TYRO3: variants seen among roughly 807,000 people sequenced by gnomAD.
The protein encoded by TYRO3 is tyrosine-protein kinase receptor TYRO3.
Under a neutral mutation model 95.2 loss-of-function variants are expected in TYRO3, and 38 were observed. That is an observed-to-expected ratio of 0.40 (90% CI 0.31 to 0.52). The LOEUF (loss-of-function observed/expected upper bound fraction) is 0.52, where lower values mean the gene tolerates loss of function less well. Ranked by LOEUF, TYRO3 falls within the 20% of genes least tolerant of loss-of-function variation. The pLI is 0.56. For missense variants in TYRO3, 812 were observed against 1,116.4 expected (o/e 0.73, Z 3.89); for synonymous variants, 367 against 432.9 (o/e 0.85, Z 1.89).
In TYRO3 at chr15:41,571,052, G is replaced by A. The variant is rs537077384; in HGVS notation, c.1594G>A (p.Val532Met). The A allele has an allele frequency of 3.1e-6, 5 of 1,614,030 alleles. No homozygotes were observed. Among genetic ancestry groups the A allele is most frequent in the Non-Finnish European group, 4.2e-6 (5 of 1,180,004 alleles). Residue 532 changes from valine (V) to methionine (M), a missense_variant, in exon 13 of 19, where the codon GTG becomes ATG. Transcript: ENST00000263798. ...RMLGKGEFGS[V>M]REAQLKQEDG... ...TTGGTTCCTAGGAGAGTTTGGTTCA[G>A]TGCGGGAGGCCCAGCTGAAGCAAGA...
chr15:41,572,335 TAGC>T, intron 14 of TYRO3, 105 bp from the exon 15 acceptor site: 1 of 1,464,530 alleles, frequency 6.8e-7, no homozygotes, highest in East Asian at 2.3e-5. Flanking sequence ...AAAAAATAAA[TAGC>T]AGAGCCAGAG....
chr15:41,561,048 C>T (rs2055645975), intron 1 of TYRO3, 79 bp from the exon 2 acceptor site: 1 of 1,407,518 alleles, frequency 7.1e-7, no homozygotes, highest in East Asian at 2.3e-5. Context: ...ACAGAAGCTA[C>T]CTTCTAGAAG....
chr15:41,568,879 A>T lies in TYRO3; in HGVS notation c.1109A>T (p.Asp370Val). 1 of 1,611,552 alleles carries T rather than the reference A, an allele frequency of 6.2e-7. No homozygotes were observed. The highest frequency in any genetic ancestry group is 8.5e-7 in the Non-Finnish European group (1 of 1,179,732). ...LSWVQDNGTQ[D>V]ELTVEGTRAN... ...GGTGGGGGCTTTTCCTGGCTGCAGG[A>T]TGAGCTGACAGTGGAGGGGACCAGG... The change falls in exon 9 of 19, where the codon GAT becomes GTT. Residue 370 changes from aspartate to valine, a missense_variant and splice_region_variant. Coordinates refer to ENST00000263798, the MANE Select transcript of TYRO3 (RefSeq NM_006293.4).
intron 7 of TYRO3, 106 bp downstream of exon 7, chr15:41,567,643 C>A: frequency 9.1e-7 from 1 of 1,093,078 alleles, no homozygotes; most frequent in Non-Finnish European, 1.2e-6. Context: ...GTTCAGGCAT[C>A]ATTCGGCAAA....
chr15:41,571,835 T>G (rs2055800018), intron 14 of TYRO3, 148 bp downstream of exon 14: 2 of 592,464 alleles, frequency 3.4e-6, no homozygotes, highest in Non-Finnish European at 6.1e-6. Flanking sequence ...GGCAGAAATC[T>G]GAGGTGAGGA....
At chr15:41,568,187 G>T (rs763089271) in intron 7 of TYRO3, 30 bp from the exon 8 acceptor site, 25 of 1,611,162 alleles carry the variant, frequency 1.6e-5, no homozygotes. Context: ...AAGGGCAGGG[G>T]TCTTAGCAAT....
At chr15:41,567,292 T>G (rs1337066647) in intron 6 of TYRO3, 68 bp from the exon 7 acceptor site, 2 of 1,361,354 alleles carry the variant, frequency 1.5e-6, no homozygotes, top group Middle Eastern at 2.8e-4. Context: ...CACCCATAAC[T>G]ATACCCATCC....
At chr15:41,563,029 C>G (rs887128102) in intron 4 of TYRO3, among the ~76,000 whole-genome samples, 2 of 152,072 alleles carry the variant, frequency 1.3e-5, no homozygotes, top group Non-Finnish European at 2.9e-5. Context: ...CACCCATCCC[C>G]CACCCCTCCC....
In TYRO3 at chr15:41,571,700, T is replaced by C. The variant is rs2055798420; in HGVS notation, c.1753+13T>C. 4 of 1,117,910 alleles carry C rather than the reference T, an allele frequency of 3.6e-6. No homozygotes were observed. Among genetic ancestry groups the C allele is most frequent in the Non-Finnish European group, 5.3e-6 (4 of 759,336 alleles). The allele number at this position is 1,117,910 out of a possible 1,614,324, so 69.2% of individuals were successfully genotyped here. On this transcript the variant is annotated intron_variant, in intron 14 of 18. Coordinates refer to ENST00000263798, the MANE Select transcript of TYRO3 (RefSeq NM_006293.4). ...GCCAAACTTGTTGGTGAGCCCATTT[T>C]TGGGGGAGGCAGATAGAGAATAGGG...
At chr15:41,562,115 C>A in intron 3 of TYRO3, 1 of 179,264 alleles carries the variant, frequency 5.6e-6, no homozygotes, top group Non-Finnish European at 1.2e-5. Context: ...CCTCTCCCAG[C>A]TCTCCACCCC....
At chr15:41,568,615 A>G (rs906463834) in intron 8 of TYRO3, among the ~76,000 whole-genome samples, 4 of 152,130 alleles carry the variant, frequency 2.6e-5, no homozygotes, top group African/African-American at 9.7e-5. Flanking sequence ...GGGAGGGCAC[A>G]GATAAGGCTT....
At chr15:41,577,150 T>G (rs1318921142) in intron 18 of TYRO3, among the ~76,000 whole-genome samples, 3 of 152,138 alleles carry the variant, frequency 2.0e-5, no homozygotes, top group South Asian at 2.1e-4. Flanking sequence ...GATCATTGCT[T>G]TCATAGGGTT....
rs2055733630 is a variant in TYRO3, at chr15:41,567,196, G to T, written c.784-164G>T. On this transcript the variant is annotated intron_variant, in intron 6 of 18. Coordinates refer to ENST00000263798, the MANE Select transcript of TYRO3 (RefSeq NM_006293.4). ...ACAGCATTTGCAAAGGTATGAAGAT[G>T]TGGAACCCTGTGTATTATTGGGGTG... Among the ~76,000 whole-genome samples the T allele has an allele frequency of 2.0e-5, 3 of 152,330 alleles. No homozygotes were observed. The South Asian group carries it at 6.2e-4, about 32-fold the overall frequency.
chr15:41,568,498 AC>A, intron 8 of TYRO3, 136 bp downstream of exon 8: 1 of 857,532 alleles, frequency 1.2e-6, no homozygotes, highest in Non-Finnish European at 1.8e-6. Flanking sequence ...TTTCCTCCTC[AC>A]CCTCCTCTGC....
intron 8 of TYRO3, 66 bp from the exon 9 acceptor site, chr15:41,568,812 C>T: frequency 6.4e-7 from 1 of 1,557,450 alleles, no homozygotes. Flanking sequence ...TTTTTCTGTC[C>T]TCAGGCCCCA....
At chr15:41,564,041 T>G in intron 4 of TYRO3, 143 bp from the exon 5 acceptor site, 1 of 727,074 alleles carries the variant, frequency 1.4e-6, no homozygotes, top group South Asian at 1.7e-5. Flanking sequence ...CCTGTTCATT[T>G]CACCGTACCT....
At chr15:41,562,841 G>A (rs1424883550) in intron 4 of TYRO3, 123 bp downstream of exon 4, 23 of 1,020,012 alleles carry the variant, frequency 2.3e-5, no homozygotes, top group Admixed American at 1.5e-4. Context: ...CCAGTGTCTG[G>A]GGACGTGAGC....
intron 15 of TYRO3, among the ~76,000 whole-genome samples, 188 bp downstream of exon 15, chr15:41,572,752 GA>G (rs2055813407): frequency 6.6e-6 from 1 of 152,340 alleles, no homozygotes; most frequent in East Asian, 1.9e-4. Context: ...ACCCTGCTGA[GA>G]AATATAGGCT....
intron 9 of TYRO3, 81 bp from the exon 10 acceptor site, chr15:41,569,946 G>C: frequency 6.5e-7 from 1 of 1,539,054 alleles, no homozygotes; most frequent in Non-Finnish European, 8.7e-7. Context: ...CCTTGAACCA[G>C]CTGGATGGCC....
Sources: allele counts gnomAD v4.1 joint callset (sites outside exome capture counted in the v4.1 genomes callset), GRCh38; gene constraint gnomAD v4.1.1; transcripts MANE v1.5; gene names NCBI Gene and HGNC (gene_info 2026-07-23, HGNC 2026-07-21).